The following THBS4 variants were observed in gnomAD, a reference collection of about 807,000 sequenced individuals.
The protein encoded by THBS4 is thrombospondin-4.
In THBS4, 90 loss-of-function variants were observed where a neutral mutation model predicts 115.7. That is an observed-to-expected ratio of 0.78 (90% CI 0.66 to 0.93). THBS4 has a LOEUF of 0.93. Ranked by LOEUF, THBS4 falls within the 40% of genes least tolerant of loss-of-function variation. The probability of loss-of-function intolerance (pLI) is 0.00; values close to 1 mark genes in which losing one functional copy is unlikely to be tolerated. For synonymous variants in THBS4, 460 were observed against 479.3 expected (o/e 0.96, Z 0.53); for missense variants, 1,087 against 1,232.7 (o/e 0.88, Z 1.77).
At chr5:80,082,330 G>A in intron 20 of THBS4, 76 bp from the exon 21 acceptor site, 1 of 1,574,806 alleles carries the variant, frequency 6.3e-7, no homozygotes, top group South Asian at 1.2e-5. Flanking sequence ...TAAGAAGTGG[G>A]GCCCCTGGGC....
At chr5:80,072,796 T>C in intron 14 of THBS4, 1 of 248,810 alleles carries the variant, frequency 4.0e-6, no homozygotes, top group Non-Finnish European at 7.9e-6. Context: ...TGCATCTCCC[T>C]TCTCACTCCT....
intron 2 of THBS4, among the ~76,000 whole-genome samples, chr5:80,048,634 G>A (rs1411859171): frequency 3.0e-5 from 4 of 131,150 alleles, no homozygotes; most frequent in African/African-American, 9.0e-5. Context: ...CTAGATAGAT[G>A]TGTGTGTGTG....
chr5:80,072,186 G>A (rs1834085676), intron 13 of THBS4, 92 bp from the exon 14 acceptor site: 2 of 1,138,484 alleles, frequency 1.8e-6, no homozygotes, highest in South Asian at 2.6e-5. Flanking sequence ...ACTGGCCCAG[G>A]CAGAAGTGAC....
At chr5:80,080,814 T>C (rs1418698194) in intron 20 of THBS4, among the ~76,000 whole-genome samples, 1 of 152,150 alleles carries the variant, frequency 6.6e-6, no homozygotes, top group South Asian at 2.1e-4. Flanking sequence ...CTTGATCTCC[T>C]GACCTCGTGA....
chr5:80,064,576 A>C (rs1438707386), intron 8 of THBS4, among the ~76,000 whole-genome samples: 4 of 152,174 alleles, frequency 2.6e-5, no homozygotes, highest in Non-Finnish European at 4.4e-5. Context: ...AATACACACA[A>C]AAAAATTAGC....
At chr5:80,019,913 A>G (rs1054776680) in intron 2 of THBS4, 3 of 156,060 alleles carry the variant, frequency 1.9e-5, no homozygotes, top group East Asian at 1.9e-4. Context: ...TTCCCAAAGT[A>G]TGGACACCAG....
chr5:80,011,605 G>T (rs1832127806), intron 2 of THBS4, among the ~76,000 whole-genome samples: 1 of 152,122 alleles, frequency 6.6e-6, no homozygotes, highest in East Asian at 1.9e-4. Flanking sequence ...CTAAAAATGG[G>T]ATAAGAACAA....
At chr5:80,065,682 G>A (rs1833794610) in intron 9 of THBS4, among the ~76,000 whole-genome samples, 1 of 152,118 alleles carries the variant, frequency 6.6e-6, no homozygotes, top group African/African-American at 2.4e-5. Context: ...AATTTTATAA[G>A]TGCCAAGTTC....
At chr5:80,019,803 C>A (rs529224736) in intron 2 of THBS4, 1 of 170,190 alleles carries the variant, frequency 5.9e-6, no homozygotes, top group Non-Finnish European at 1.3e-5. Flanking sequence ...GAAGTGTGTA[C>A]CGTTGCACGG....
At chr5:80,031,827 C>A (rs1311031764), upstream of THBS4, among the ~76,000 whole-genome samples, 2 of 152,142 alleles carry the variant, frequency 1.3e-5, no homozygotes, top group East Asian at 3.8e-4. Flanking sequence ...AAGATGTGTA[C>A]ACAGAAGAGC....
chr5:80,070,398 G>A lies in THBS4; in HGVS notation c.1440G>A (p.Arg480=). The change falls in exon 11 of 22, where the codon AGG becomes AGA. Residue 480 remains arginine, a synonymous_variant. Coordinates refer to ENST00000350881, the MANE Select transcript of THBS4 (RefSeq NM_003248.6). The part of the protein sequence containing the change: ...YPDEELPCSA[R]NCKKDNCKYV... ...ACGAAGAACTGCCATGCTCTGCCAGGAACTGTAAAAAGGTAAGGGGTGTGG... is the reference window on the plus strand; with the variant it reads ...ACGAAGAACTGCCATGCTCTGCCAGAAACTGTAAAAAGGTAAGGGGTGTGG... The A allele has an allele frequency of 1.9e-6, 3 of 1,614,070 alleles. No individual in the cohort carries two copies. The highest frequency in any genetic ancestry group is 2.2e-5 in the East Asian group (1 of 44,874).
intron 1 of THBS4, chr5:79,991,460 A>C: frequency 2.1e-6 from 1 of 469,676 alleles, no homozygotes; most frequent in Non-Finnish European, 3.7e-6. Context: ...TTCTTCAAAT[A>C]TTAATATTTA....
chr5:80,027,451 C>G (rs1273714281), intron 2 of THBS4, among the ~76,000 whole-genome samples: 1 of 152,204 alleles, frequency 6.6e-6, no homozygotes. Context: ...CCACAGCTCT[C>G]TCCCCCTGGA....
At position 80,082,624 on chromosome 5, in the gene THBS4, T is replaced by TCC. The variant is rs59301311; in HGVS notation, c.2824+85_2824+86dup. ...TGCCACCTTATTTTTATACCGCACT[T>TCC]CCCCCCCAAAAGCCCAACGCTCATA... is the stretch of plus-strand genomic sequence containing the variant. On this transcript the variant is annotated intron_variant, in intron 21 of 21. Coordinates refer to ENST00000350881, the MANE Select transcript of THBS4 (RefSeq NM_003248.6). 14,977 of 1,550,354 alleles carry TCC rather than the reference T, an allele frequency of 9.7e-3. 1,112 individuals are homozygous for TCC. The African/African-American group carries it at 0.17, about 18-fold the overall frequency.
At chr5:80,066,280 G>A (rs577460661) in intron 9 of THBS4, 3 of 152,268 alleles carry the variant, frequency 2.0e-5, no homozygotes, top group African/African-American at 7.2e-5. Flanking sequence ...TACTGATTAC[G>A]TGTATGACTA....
chr5:80,023,569 A>G (rs2438610), intron 2 of THBS4, among the ~76,000 whole-genome samples: 35,418 of 152,138 alleles, frequency 0.23, 4,537 homozygotes, highest in African/African-American at 0.34. Flanking sequence ...TAATAGATTA[A>G]CAAACTCAAT....
chr5:80,021,017 C>T (rs553740246), intron 2 of THBS4, among the ~76,000 whole-genome samples: 1 of 152,276 alleles, frequency 6.6e-6, no homozygotes, highest in African/African-American at 2.4e-5. Context: ...CACAAGAGTT[C>T]AAGTTTCCTT....
chr5:80,035,500 CG>C lies in THBS4; in HGVS notation c.-37del. On this transcript the variant is annotated 5_prime_UTR_variant, in exon 1 of 22. Transcript: ENST00000350881. This position sits in a 1 kb window ranked among gnomAD's most constrained non-coding sequence, Gnocchi z 4.6. ...GACCCCCAGGCGGGGCCAACGCCGC[CG>C]TCGCCCCCGGCCTCGCGGGGAGCAG... is the stretch of plus-strand genomic sequence containing the variant. The C allele has an allele frequency of 7.7e-7, 1 of 1,291,100 alleles. No individual in the cohort carries two copies. Among genetic ancestry groups the C allele is most frequent in the Non-Finnish European group, 9.8e-7 (1 of 1,018,320 alleles). The allele number at this position is 1,291,100 out of a possible 1,614,324, so 80.0% of individuals were successfully genotyped here.
intron 20 of THBS4, among the ~76,000 whole-genome samples, chr5:80,081,629 T>A (rs1277662669): frequency 2.6e-5 from 4 of 152,224 alleles, no homozygotes; most frequent in Admixed American, 2.6e-4. Context: ...GTACACATTT[T>A]AGAATGTTAA....
Sources: gnomAD v4.1 joint callset for allele counts (sites outside exome capture counted in the v4.1 genomes callset) on GRCh38, gnomAD v4.1.1 for gene constraint, Gnocchi (gnomAD v3.1) non-coding constraint, MANE v1.5 for transcripts, NCBI Gene and HGNC (gene_info 2026-07-23, HGNC 2026-07-21) for gene names.